WWC1: variants seen among roughly 807,000 people sequenced by gnomAD.
WWC1 encodes the protein WW and C2 domain containing 1.
Under a neutral mutation model 138.4 loss-of-function variants are expected in WWC1, and 55 were observed. The observed-to-expected ratio is 0.40, with a 90% CI of 0.32 to 0.50. The LOEUF is 0.50. Ranked by LOEUF, WWC1 falls within the 20% of genes least tolerant of loss-of-function variation. The pLI is 0.72. For synonymous variants in WWC1, 524 were observed against 564.9 expected, an observed-to-expected ratio of 0.93 and a Z score of 1.03; for missense variants, 1,226 against 1,420.4, an observed-to-expected ratio of 0.86 and a Z score of 2.20.
rs1582412363 is a variant in WWC1, at chr5:168,469,071, T to C, written c.*54T>C. On this transcript the variant is annotated 3_prime_UTR_variant, in exon 23 of 23. Transcript: ENST00000265293. ...CTGACCAGGCTGTGAACATTGACTG[T>C]GGCTAAAGTTATTTATGTGGTGTTA... 6 of 1,605,190 alleles carry C rather than the reference T, an allele frequency of 3.7e-6. No homozygotes were observed. The East Asian group carries it at 1.3e-4, about 36-fold the overall frequency.
chr5:168,343,763 A>C (rs1042773194), intron 1 of WWC1, among the ~76,000 whole-genome samples: 6 of 151,362 alleles, frequency 4.0e-5, no homozygotes. Flanking sequence ...CGGAGGTTGC[A>C]GTGAGCTGAG....
intron 2 of WWC1, among the ~76,000 whole-genome samples, chr5:168,378,181 C>G (rs1277488699): frequency 1.3e-5 from 2 of 152,168 alleles, no homozygotes; most frequent in Non-Finnish European, 2.9e-5. Flanking sequence ...AGGACAAACA[C>G]TCAAATACCA....
At chr5:168,376,576 G>A (rs1462755445) in intron 2 of WWC1, among the ~76,000 whole-genome samples, 1 of 152,142 alleles carries the variant, frequency 6.6e-6, no homozygotes. Context: ...AATGATTTCA[G>A]CAAAGTTTCA....
intron 5 of WWC1, among the ~76,000 whole-genome samples, chr5:168,400,399 T>C (rs1456186590): frequency 6.6e-6 from 1 of 152,192 alleles, no homozygotes; most frequent in Non-Finnish European, 1.5e-5. Flanking sequence ...ATTCTCATCA[T>C]TTAGCTCCCA....
At chr5:168,408,676 T>G (rs764199090) in intron 7 of WWC1, 23 bp downstream of exon 7, 1 of 1,612,938 alleles carries the variant, frequency 6.2e-7, no homozygotes, top group East Asian at 2.2e-5. Context: ...GGCAGGTTGC[T>G]GGGGGCCTTC....
intron 1 of WWC1, among the ~76,000 whole-genome samples, chr5:168,298,703 C>G (rs7721532): frequency 0.12 from 18,961 of 152,210 alleles, 1,656 homozygotes; most frequent in Non-Finnish European, 0.17. Context: ...GCCCACTGAG[C>G]TAAGCATTCT....
At chr5:168,316,939 A>C (rs1025155278) in intron 1 of WWC1, 1 of 152,222 alleles carries the variant, frequency 6.6e-6, no homozygotes, top group Non-Finnish European at 1.5e-5. Flanking sequence ...AGAAAATAGT[A>C]CATTGTTATC....
intron 1 of WWC1, among the ~76,000 whole-genome samples, chr5:168,366,918 C>T (rs1218356581): frequency 4.0e-5 from 6 of 150,006 alleles, no homozygotes; most frequent in African/African-American, 1.5e-4. Flanking sequence ...CTGGCTCAGC[C>T]TCCCGAGTAG....
chr5:168,423,311 T>G (rs1176448456), intron 10 of WWC1, among the ~76,000 whole-genome samples: 1 of 152,198 alleles, frequency 6.6e-6, no homozygotes, highest in Non-Finnish European at 1.5e-5. Flanking sequence ...AGTGGACTTT[T>G]AAGGCAGCTA....
intron 6 of WWC1, among the ~76,000 whole-genome samples, chr5:168,407,508 G>A (rs1779887145): frequency 6.6e-6 from 1 of 152,182 alleles, no homozygotes; most frequent in African/African-American, 2.4e-5. Flanking sequence ...GAAGCTGTAT[G>A]CTCTATGAGA....
chr5:168,378,951 G>A (rs1385878769), intron 2 of WWC1, among the ~76,000 whole-genome samples: 2 of 152,120 alleles, frequency 1.3e-5, no homozygotes, highest in Non-Finnish European at 2.9e-5. Flanking sequence ...CAGGTGTGTG[G>A]CAAGTGTAGG....
intron 5 of WWC1, among the ~76,000 whole-genome samples, chr5:168,403,055 TTTCTTTCTTTCTTTC>T (rs879944133): frequency 0.032 from 4,413 of 137,270 alleles, 95 homozygotes; most frequent in Middle Eastern, 0.057. Context: ...TCTTTCTTTC[TTTCTTTCTTTCTTTC>T]TTTCTTTCTT....
intron 3 of WWC1, among the ~76,000 whole-genome samples, chr5:168,389,143 C>G (rs1778269302): frequency 6.6e-6 from 1 of 152,026 alleles, no homozygotes; most frequent in Non-Finnish European, 1.5e-5. Flanking sequence ...ATGAAACATT[C>G]ACATGAGAAG....
intron 16 of WWC1, among the ~76,000 whole-genome samples, chr5:168,442,946 C>T (rs1754916884): frequency 1.3e-5 from 2 of 152,072 alleles, no homozygotes; most frequent in African/African-American, 4.8e-5. Flanking sequence ...ATTAAAATAT[C>T]CTTAAACTGT....
chr5:168,464,267 G>A (rs2152894608), intron 20 of WWC1, among the ~76,000 whole-genome samples: 1 of 152,266 alleles, frequency 6.6e-6, no homozygotes, highest in South Asian at 2.1e-4. Context: ...CCTGTATTGG[G>A]GAAACAACTT....
At position 168,398,960 on chromosome 5, in the gene WWC1, A is replaced by G. The variant is rs186154550; in HGVS notation, c.511-528A>G. On this transcript the variant is annotated intron_variant, in intron 4 of 22. Coordinates refer to ENST00000265293, the MANE Select transcript of WWC1 (RefSeq NM_015238.3). ...ATTAGCAACTCATTTTAAAAGTTGAATAATACAGTGTAGGCCACACAAACC... is the reference window on the plus strand; with the variant it reads ...ATTAGCAACTCATTTTAAAAGTTGAGTAATACAGTGTAGGCCACACAAACC... Among the ~76,000 whole-genome samples, 295 of 152,354 alleles carry G rather than the reference A, an allele frequency of 1.9e-3. 3 individuals carry two copies. The highest frequency in any genetic ancestry group is 9.1e-4 in the Non-Finnish European group (62 of 68,030).
At chr5:168,307,862 G>C (rs796676455) in intron 1 of WWC1, among the ~76,000 whole-genome samples, 2 of 152,090 alleles carry the variant, frequency 1.3e-5, no homozygotes, top group African/African-American at 4.8e-5. Context: ...TGCCCACCTT[G>C]GCCTCCCAAA....
chr5:168,304,902 C>T (rs547503437), intron 1 of WWC1, among the ~76,000 whole-genome samples: 22 of 151,918 alleles, frequency 1.4e-4, no homozygotes, highest in African/African-American at 4.3e-4. Flanking sequence ...TTCAGTTCAC[C>T]GCAACATTTG....
intron 2 of WWC1, among the ~76,000 whole-genome samples, chr5:168,384,506 A>G (rs1014941382): frequency 1.3e-5 from 2 of 152,108 alleles, no homozygotes; most frequent in Non-Finnish European, 2.9e-5. Context: ...TCTAATTCAC[A>G]TTTCCAGCTG....
Sources: gnomAD v4.1 joint callset for allele counts (sites outside exome capture counted in the v4.1 genomes callset) on GRCh38, gnomAD v4.1.1 for gene constraint, MANE v1.5 for transcripts, NCBI Gene and HGNC (gene_info 2026-07-23, HGNC 2026-07-21) for gene names.